The following DYNLRB1 variants were observed in gnomAD, a reference collection of about 807,000 sequenced individuals.
DYNLRB1 encodes ROBL/LC7-like 1.
A neutral mutation model predicts 13.5 loss-of-function variants in DYNLRB1; 6 were observed. The observed-to-expected ratio is 0.44, with a 90% CI of 0.24 to 0.88. The LOEUF (loss-of-function observed/expected upper bound fraction) is 0.88, where lower values mean the gene tolerates loss of function less well. DYNLRB1 is among the 40% of genes least tolerant of loss of function. The pLI is 0.21. For missense variants in DYNLRB1, 93 were observed against 127.2 expected (o/e 0.73, Z 1.29); for synonymous variants, 43 against 45.0 (o/e 0.96, Z 0.18).
rs543018024 is a variant in DYNLRB1 at position 34,518,834 on chromosome 20, T to C, written c.3+2373T>C. Among the ~76,000 whole-genome samples, 20 of 152,280 alleles carry C rather than the reference T, an allele frequency of 1.3e-4. No homozygotes were observed. In the South Asian group the frequency reaches 3.9e-3, roughly 30 times the overall value. On this transcript the variant is annotated intron_variant, in intron 1 of 3. Transcript: ENST00000357156. Reference sequence around the variant, plus strand: ...AAACTGTAGCTTTCTAGAACCTGTATTATGCTACTCCGTGGTTATACTCAT... The same window carrying C: ...AAACTGTAGCTTTCTAGAACCTGTACTATGCTACTCCGTGGTTATACTCAT...
At chr20:34,526,926 C>G (rs920880316) in intron 2 of DYNLRB1, among the ~76,000 whole-genome samples, 1 of 152,158 alleles carries the variant, frequency 6.6e-6, no homozygotes. Context: ...TAGTTAACTC[C>G]TCTGTGCCTG....
At chr20:34,536,172 G>A (rs1045844539) in intron 3 of DYNLRB1, 1 of 985,340 alleles carries the variant, frequency 1.0e-6, no homozygotes, top group African/African-American at 1.7e-5. Flanking sequence ...TGTGTGTAAT[G>A]CCTGATCCAT....
chr20:34,539,095 ATAAT>A (rs1981392102), intron 3 of DYNLRB1, among the ~76,000 whole-genome samples: 1 of 152,222 alleles, frequency 6.6e-6, no homozygotes, highest in African/African-American at 2.4e-5. Flanking sequence ...ATGAAAACAA[ATAAT>A]TAACAAGCCA....
intron 3 of DYNLRB1, chr20:34,536,036 T>C: frequency 5.1e-6 from 5 of 985,282 alleles, no homozygotes; most frequent in Non-Finnish European, 6.0e-6. Flanking sequence ...GAAAGAACTA[T>C]AGAGCCAGTC....
intron 1 of DYNLRB1, 82 bp from the exon 2 acceptor site, chr20:34,526,186 A>ACGTATGATTCAT: frequency 6.8e-7 from 1 of 1,470,362 alleles, no homozygotes; most frequent in South Asian, 1.1e-5. Context: ...TGGAAGACAA[A>ACGTATGATTCAT]CGTATGATTC....
At chr20:34,528,385 A>T (rs1980428530) in intron 2 of DYNLRB1, among the ~76,000 whole-genome samples, 1 of 147,938 alleles carries the variant, frequency 6.8e-6, no homozygotes, top group South Asian at 2.2e-4. Context: ...AAACCAGTTT[A>T]TGTGAGACTT....
chr20:34,521,918 G>A (rs1979751179), intron 1 of DYNLRB1, among the ~76,000 whole-genome samples: 1 of 152,074 alleles, frequency 6.6e-6, no homozygotes, highest in Non-Finnish European at 1.5e-5. Flanking sequence ...CACATCAGTA[G>A]TCCCACGTGT....
At chr20:34,535,143 G>A in intron 3 of DYNLRB1, 3 of 985,374 alleles carry the variant, frequency 3.0e-6, no homozygotes, top group Non-Finnish European at 3.6e-6. Flanking sequence ...CTTCCCAGAA[G>A]AGGGGACACT....
chr20:34,530,257 C>T, intron 2 of DYNLRB1: 29 of 1,043,450 alleles, frequency 2.8e-5, no homozygotes, highest in Non-Finnish European at 3.2e-5. Context: ...TTTTTGTATA[C>T]TCATGGGGCT....
At chr20:34,522,013 G>A (rs1400288578) in intron 1 of DYNLRB1, among the ~76,000 whole-genome samples, 2 of 151,838 alleles carry the variant, frequency 1.3e-5, no homozygotes, top group Non-Finnish European at 2.9e-5. Flanking sequence ...ACGCCTGGGT[G>A]ACAGAGTGAG....
intron 1 of DYNLRB1, among the ~76,000 whole-genome samples, chr20:34,520,000 G>T (rs1464839868): frequency 6.6e-6 from 1 of 152,016 alleles, no homozygotes; most frequent in African/African-American, 2.4e-5. Context: ...CGGAAGCCGT[G>T]CATCTGTAAT....
At chr20:34,536,290 G>A in intron 3 of DYNLRB1, 1 of 985,448 alleles carries the variant, frequency 1.0e-6, no homozygotes, top group African/African-American at 1.7e-5. Flanking sequence ...CATCTGTAAA[G>A]TGTCGAGTAG....
intron 2 of DYNLRB1, among the ~76,000 whole-genome samples, chr20:34,532,776 G>A (rs908297423): frequency 1.3e-5 from 2 of 152,134 alleles, no homozygotes; most frequent in African/African-American, 4.8e-5. Context: ...AAGCCTCTGC[G>A]ACTCACCTGC....
At chr20:34,535,605 T>C (rs544549021) in intron 3 of DYNLRB1, 2 of 980,446 alleles carry the variant, frequency 2.0e-6, no homozygotes, top group Non-Finnish European at 2.4e-6. Context: ...CTTTGCATTA[T>C]TACTTTTTTC....
At chr20:34,528,994 A>C (rs1436254760) in intron 2 of DYNLRB1, among the ~76,000 whole-genome samples, 3 of 152,006 alleles carry the variant, frequency 2.0e-5, no homozygotes, top group Non-Finnish European at 2.9e-5. Context: ...AAAAAAAAAA[A>C]AACAAAAAGT....
At chr20:34,533,788 C>T (rs1414672441) in intron 2 of DYNLRB1, among the ~76,000 whole-genome samples, 3 of 151,426 alleles carry the variant, frequency 2.0e-5, no homozygotes, top group African/African-American at 7.3e-5. Flanking sequence ...CATTGCACTC[C>T]AGCCTGGGCG....
At chr20:34,522,945 T>C (rs1452076893) in intron 1 of DYNLRB1, among the ~76,000 whole-genome samples, 1 of 152,256 alleles carries the variant, frequency 6.6e-6, no homozygotes, top group Admixed American at 6.5e-5. Flanking sequence ...ATTTGTTCCT[T>C]CAGTATTTAT....
chr20:34,533,587 G>C, intron 2 of DYNLRB1: 1 of 848,292 alleles, frequency 1.2e-6, no homozygotes, highest in Non-Finnish European at 1.4e-6. Context: ...TTGGAAGGCC[G>C]AGGCGGGTGG....
At chr20:34,520,563 C>T (rs1192595952) in intron 1 of DYNLRB1, among the ~76,000 whole-genome samples, 1 of 152,172 alleles carries the variant, frequency 6.6e-6, no homozygotes, top group Non-Finnish European at 1.5e-5. Context: ...TTTCCTGCCT[C>T]AGCCTCCTGA....
Sources: gnomAD v4.1 joint callset for allele counts (sites outside exome capture counted in the v4.1 genomes callset) on GRCh38, gnomAD v4.1.1 for gene constraint, MANE v1.5 for transcripts, NCBI Gene and HGNC (gene_info 2026-07-23, HGNC 2026-07-21) for gene names.